Variants in TMEM131 observed in about 807,000 individuals in gnomAD.
TMEM131 encodes the protein 2610524E03Rik.
A neutral mutation model predicts 211.6 loss-of-function variants in TMEM131; 66 were observed. The ratio of observed to expected loss-of-function variants is 0.31; its 90% CI spans 0.26 to 0.38. The LOEUF is 0.38. Among genes scored for constraint, TMEM131 ranks in the 10% least tolerant of loss-of-function variants. The pLI, the probability that TMEM131 is intolerant of heterozygous loss-of-function variation, is 1.00. For synonymous variants in TMEM131, 844 were observed against 841.3 expected (o/e 1.00, Z -0.06); for missense variants, 2,036 against 2,299.3 (o/e 0.89, Z 2.34).
At chr2:97,983,128 T>C (rs984009467) in intron 1 of TMEM131, among the ~76,000 whole-genome samples, 1 of 151,858 alleles carries the variant, frequency 6.6e-6, no homozygotes, top group Non-Finnish European at 1.5e-5. Flanking sequence ...CTTTCATTCT[T>C]TTCTTCTCTC....
At chr2:97,929,221 GAAGGT>G (rs1677117482) in intron 1 of TMEM131, among the ~76,000 whole-genome samples, 1 of 151,676 alleles carries the variant, frequency 6.6e-6, no homozygotes, top group Non-Finnish European at 1.5e-5. Context: ...ATAGAGAAAG[GAAGGT>G]AAGAATCAAC....
At chr2:97,885,013 T>A (rs1169075806) in intron 4 of TMEM131, among the ~76,000 whole-genome samples, 1 of 152,238 alleles carries the variant, frequency 6.6e-6, no homozygotes, top group Non-Finnish European at 1.5e-5. Context: ...CTTGGGTGGT[T>A]TTCCACATTG....
intron 1 of TMEM131, among the ~76,000 whole-genome samples, chr2:97,929,519 A>G (rs2104450593): frequency 6.6e-6 from 1 of 151,890 alleles, no homozygotes; most frequent in South Asian, 2.1e-4. Flanking sequence ...GTATGACAAA[A>G]GTGGACAGTC....
At chr2:97,992,264 T>C (rs1680300858) in intron 1 of TMEM131, among the ~76,000 whole-genome samples, 1 of 152,240 alleles carries the variant, frequency 6.6e-6, no homozygotes, top group Non-Finnish European at 1.5e-5. Context: ...TAGAAAACTA[T>C]TAGATTCTTA....
chr2:97,800,575 C>T (rs1163247430), intron 25 of TMEM131, among the ~76,000 whole-genome samples: 6 of 136,406 alleles, frequency 4.4e-5, no homozygotes, highest in African/African-American at 1.1e-4. Flanking sequence ...CATGGTGAAA[C>T]CCCGGCTCTA....
At chr2:97,850,250 G>C (rs947667477) in intron 5 of TMEM131, among the ~76,000 whole-genome samples, 1 of 152,116 alleles carries the variant, frequency 6.6e-6, no homozygotes, top group East Asian at 1.9e-4. Context: ...CAGATCTTCA[G>C]ATAAAACAAG....
chr2:97,840,348 C>G (rs1573443515), intron 7 of TMEM131, among the ~76,000 whole-genome samples: 1 of 152,310 alleles, frequency 6.6e-6, no homozygotes, highest in East Asian at 1.9e-4. Flanking sequence ...TGTGGTCTGG[C>G]CACCACAATG....
chr2:97,827,436 C>T (rs1682454614), intron 11 of TMEM131: 5 of 1,051,114 alleles, frequency 4.8e-6, no homozygotes, highest in Middle Eastern at 2.0e-4. Flanking sequence ...GAAAACAGGC[C>T]GAAGTGGCTA....
intron 22 of TMEM131, 47 bp from the exon 23 acceptor site, chr2:97,802,837 G>A (rs139240806): frequency 1.4e-6 from 2 of 1,465,966 alleles, no homozygotes; most frequent in Non-Finnish European, 9.1e-7. Context: ...AAATATTTGA[G>A]TCTTCTGAAC....
At chr2:97,851,133 T>C (rs879626586) in intron 5 of TMEM131, among the ~76,000 whole-genome samples, 8 of 151,968 alleles carry the variant, frequency 5.3e-5, no homozygotes, top group Non-Finnish European at 1.0e-4. Context: ...GGTGATCTCA[T>C]CCAGATCCAT....
chr2:97,943,017 A>G (rs1573592586), intron 1 of TMEM131, among the ~76,000 whole-genome samples: 2 of 43,286 alleles, frequency 4.6e-5, no homozygotes, highest in Non-Finnish European at 9.6e-5. Context: ...GAAAGAAAAG[A>G]AAAGAAAAGA....
chr2:97,810,202 A>C (rs1282896412), intron 18 of TMEM131, among the ~76,000 whole-genome samples: 1 of 152,190 alleles, frequency 6.6e-6, no homozygotes, highest in African/African-American at 2.4e-5. Flanking sequence ...ATACAGAAAT[A>C]GACATCAACC....
chr2:97,785,457 A>G (rs187360074), intron 31 of TMEM131, among the ~76,000 whole-genome samples: 17 of 152,370 alleles, frequency 1.1e-4, no homozygotes, highest in African/African-American at 3.6e-4. Context: ...AACTGCAAAT[A>G]AAAACCACAA....
intron 3 of TMEM131, among the ~76,000 whole-genome samples, chr2:97,898,383 T>C (rs1340897566): frequency 6.6e-6 from 1 of 152,152 alleles, no homozygotes; most frequent in Non-Finnish European, 1.5e-5. Context: ...AAAATTCACA[T>C]ATTGAAGCCC....
rs762042044 is a variant in TMEM131, at chr2:97,859,255, C to T, written c.483+49G>A. On this transcript the variant is annotated intron_variant, in intron 5 of 40. Coordinates refer to ENST00000186436, the MANE Select transcript of TMEM131 (RefSeq NM_015348.2). ...AGTTATTAATCAATAAAAATCTAGA[C>T]ATTTCAACTTCAAACTCAGGAAAGA... The T allele has an allele frequency of 1.6e-5, 24 of 1,531,930 alleles. No individual in the cohort carries two copies. In the East Asian group the frequency reaches 5.5e-4, roughly 35 times the overall value. The allele number at this position is 1,531,930 out of a possible 1,614,324, so 94.9% of individuals were successfully genotyped here.
chr2:97,860,471 A>G (rs1039514732), intron 4 of TMEM131, among the ~76,000 whole-genome samples: 3 of 152,206 alleles, frequency 2.0e-5, no homozygotes, highest in Non-Finnish European at 2.9e-5. Context: ...TTTGTAATTC[A>G]CATTTAAAGT....
chr2:97,825,846 A>T (rs1335457262), intron 11 of TMEM131, among the ~76,000 whole-genome samples: 1 of 152,182 alleles, frequency 6.6e-6, no homozygotes, highest in Admixed American at 6.5e-5. Context: ...AAAATAATAC[A>T]AGGAAAGGAT....
intron 1 of TMEM131, among the ~76,000 whole-genome samples, chr2:97,972,392 CT>C (rs1679336499): frequency 7.0e-6 from 1 of 142,922 alleles, no homozygotes; most frequent in Non-Finnish European, 1.5e-5. Flanking sequence ...ATGAGATCCC[CT>C]GTTAAAAAAG....
chr2:97,765,681 A>G (rs1679127583), intron 35 of TMEM131, among the ~76,000 whole-genome samples: 4 of 152,236 alleles, frequency 2.6e-5, no homozygotes, highest in Admixed American at 2.6e-4. Context: ...CTCATGTAAA[A>G]AGATGTGGGT....
Sources: gnomAD v4.1 joint callset for allele counts (sites outside exome capture counted in the v4.1 genomes callset) on GRCh38, gnomAD v4.1.1 for gene constraint, MANE v1.5 for transcripts, NCBI Gene and HGNC (gene_info 2026-07-23, HGNC 2026-07-21) for gene names.